Variants in LNX1 observed in about 807,000 individuals in gnomAD.
The protein encoded by LNX1 is E3 ubiquitin-protein ligase LNX.
Under a neutral mutation model 68.4 loss-of-function variants are expected in LNX1, and 54 were observed. That is an observed-to-expected ratio of 0.79 (90% CI 0.63 to 0.99). LNX1 has a LOEUF of 0.99. LNX1 is among the 50% of genes least tolerant of loss of function. LNX1 has a pLI of 0.00. For synonymous variants in LNX1, 336 were observed against 350.0 expected, an observed-to-expected ratio of 0.96 and a Z score of 0.45; for missense variants, 906 against 926.4, an observed-to-expected ratio of 0.98 and a Z score of 0.29.
chr4:53,504,787 G>A (rs28591554), intron 4 of LNX1, among the ~76,000 whole-genome samples: 18,736 of 152,148 alleles, frequency 0.12, 1,227 homozygotes, highest in Non-Finnish European at 0.15. Flanking sequence ...CAGGGAATAC[G>A]GAGGCCCAAG....
chr4:53,515,606 C>CA (rs1726715018), intron 2 of LNX1, among the ~76,000 whole-genome samples: 1 of 151,742 alleles, frequency 6.6e-6, no homozygotes, highest in African/African-American at 2.4e-5. Flanking sequence ...ATTTTATTTG[C>CA]TTTGAGTTTA....
At chr4:53,469,472 G>A (rs11936085) in intron 9 of LNX1, among the ~76,000 whole-genome samples, 79,670 of 148,050 alleles carry the variant, frequency 0.54, 22,453 homozygotes, top group Non-Finnish European at 0.65. Context: ...CTAGCAGAAG[G>A]CAAGAAATAA....
intron 9 of LNX1, among the ~76,000 whole-genome samples, chr4:53,469,631 A>C (rs1291893755): frequency 6.6e-6 from 1 of 152,246 alleles, no homozygotes; most frequent in Non-Finnish European, 1.5e-5. Context: ...AGAATCAAAT[A>C]GATGCAATAA....
At chr4:53,585,941 C>T (rs777763192) in intron 1 of LNX1, among the ~76,000 whole-genome samples, 4 of 152,214 alleles carry the variant, frequency 2.6e-5, no homozygotes, top group African/African-American at 4.8e-5. Flanking sequence ...ATGCTCCCAA[C>T]GATCCTTTCC....
chr4:53,605,464 C>T (rs750677984), intron 2 of LNX1, among the ~76,000 whole-genome samples: 1 of 151,918 alleles, frequency 6.6e-6, no homozygotes, highest in African/African-American at 2.4e-5. Flanking sequence ...AAATATGTTC[C>T]CAGTAAATTT....
chr4:53,598,726 A>C (rs1359461786), intron 2 of LNX1, among the ~76,000 whole-genome samples: 1 of 152,214 alleles, frequency 6.6e-6, no homozygotes, highest in African/African-American at 2.4e-5. Flanking sequence ...CTCGTTGTTA[A>C]GTTACATCTT....
chr4:53,613,819 T>C (rs563811795), intron 2 of LNX1, among the ~76,000 whole-genome samples: 1 of 152,362 alleles, frequency 6.6e-6, no homozygotes, highest in South Asian at 2.1e-4. Flanking sequence ...TTTGGGTATA[T>C]ACCCAGTAAT....
chr4:53,538,840 G>A (rs1197474191), intron 2 of LNX1, among the ~76,000 whole-genome samples: 1 of 151,954 alleles, frequency 6.6e-6, no homozygotes, highest in Non-Finnish European at 1.5e-5. Flanking sequence ...CCCTTTTGGG[G>A]AGAAAAAAAA....
At chr4:53,625,922 A>C (rs1400251498) in intron 1 of LNX1, among the ~76,000 whole-genome samples, 1 of 151,870 alleles carries the variant, frequency 6.6e-6, no homozygotes, top group African/African-American at 2.4e-5. Context: ...ACATGTGTAC[A>C]CAAGATGTGT....
intron 4 of LNX1, among the ~76,000 whole-genome samples, chr4:53,501,064 C>T (rs552800839): frequency 1.2e-4 from 18 of 152,176 alleles, no homozygotes; most frequent in African/African-American, 4.3e-4. Flanking sequence ...CCAATGAGAT[C>T]CTAGTGACCT....
intron 2 of LNX1, among the ~76,000 whole-genome samples, chr4:53,541,149 A>AG (rs33990432): frequency 0.17 from 6,523 of 38,250 alleles, 211 homozygotes; most frequent in Middle Eastern, 0.32. Context: ...AAAAAAAAGA[A>AG]AAAAAAAAAA....
At chr4:53,544,277 C>T (rs1272628577) in intron 2 of LNX1, among the ~76,000 whole-genome samples, 3 of 151,996 alleles carry the variant, frequency 2.0e-5, no homozygotes, top group East Asian at 3.9e-4. Context: ...TCACTGCAGC[C>T]TCTGCCTTCC....
At chr4:53,621,170 A>T (rs1477018496), upstream of LNX1, among the ~76,000 whole-genome samples, 1 of 152,158 alleles carries the variant, frequency 6.6e-6, no homozygotes, top group Non-Finnish European at 1.5e-5. Flanking sequence ...TCCACATTTC[A>T]CCAAGATCCC....
intron 4 of LNX1, chr4:53,500,634 G>A (rs1276920375): frequency 1.3e-5 from 2 of 152,186 alleles, no homozygotes; most frequent in African/African-American, 2.4e-5. Flanking sequence ...AGTGGGCAGA[G>A]GAAACCCGAG....
At chr4:53,575,904 C>T (rs1427238805) in intron 1 of LNX1, 4 of 1,574,118 alleles carry the variant, frequency 2.5e-6, no homozygotes, top group African/African-American at 1.3e-5. Context: ...GGGAGGACTG[C>T]CGAGAGGCTG....
At chr4:53,532,808 G>T (rs2109624436) in intron 2 of LNX1, among the ~76,000 whole-genome samples, 1 of 152,330 alleles carries the variant, frequency 6.6e-6, no homozygotes, top group East Asian at 1.9e-4. Flanking sequence ...TCTGCTAAAG[G>T]CTGCCTCACC....
At chr4:53,599,380 C>T (rs11938583) in intron 2 of LNX1, among the ~76,000 whole-genome samples, 3,568 of 152,230 alleles carry the variant, frequency 0.023, 128 homozygotes, top group African/African-American at 0.081. Flanking sequence ...ATAAATGCCA[C>T]GGCAACATCA....
intron 1 of LNX1, among the ~76,000 whole-genome samples, chr4:53,590,656 C>CA: frequency 6.6e-6 from 1 of 152,122 alleles, no homozygotes; most frequent in East Asian, 1.9e-4. Context: ...CAAAGAGGTC[C>CA]AAAAAATTAA....
intron 2 of LNX1, among the ~76,000 whole-genome samples, chr4:53,512,508 G>GTGTGTGTGTGTA (rs371399015): frequency 0.036 from 5,344 of 149,328 alleles, 224 homozygotes; most frequent in African/African-American, 0.1. Context: ...GTGTGTGTGT[G>GTGTGTGTGTGTA]TGTGTGTGTG....
Sources: allele counts gnomAD v4.1 joint callset (sites outside exome capture counted in the v4.1 genomes callset), GRCh38; gene constraint gnomAD v4.1.1; transcripts MANE v1.5; gene names NCBI Gene and HGNC (gene_info 2026-07-23, HGNC 2026-07-21).